Variants in ANO3 observed in about 807,000 individuals in gnomAD.
ANO3 encodes anoctamin 3.
In ANO3, 99 loss-of-function variants were observed where a neutral mutation model predicts 144.8. The observed-to-expected ratio is 0.68, with a 90% confidence interval of 0.58 to 0.81. The LOEUF is 0.81. ANO3 is among the 30% of genes least tolerant of loss of function. The probability of loss-of-function intolerance (pLI) is 0.00; values close to 1 mark genes in which losing one functional copy is unlikely to be tolerated. For missense variants in ANO3, 905 were observed against 1,202.2 expected, an observed-to-expected ratio of 0.75 and a Z score of 3.66; for synonymous variants, 414 against 392.6, an observed-to-expected ratio of 1.05 and a Z score of -0.64.
At chr11:26,433,814 A>G (rs1858200340) in intron 1 of ANO3, among the ~76,000 whole-genome samples, 1 of 152,094 alleles carries the variant, frequency 6.6e-6, no homozygotes, top group African/African-American at 2.4e-5. Context: ...GACTTTGTTG[A>G]GGATTTTTGC....
rs1409785078 is a variant in ANO3, at chr11:26,660,647, A to G, written c.*203A>G. On this transcript the variant is annotated 3_prime_UTR_variant, in exon 27 of 27. Coordinates refer to ENST00000256737, the MANE Select transcript of ANO3 (RefSeq NM_031418.4). Reference sequence around the variant, plus strand: ...AAACAATGACTTGACGACCTTAAAAAGGGTTAGATTGACATTGCAGGAAGC... The same window carrying G: ...AAACAATGACTTGACGACCTTAAAAGGGGTTAGATTGACATTGCAGGAAGC... 1.2e-5 allele frequency: 6 copies of G among 504,102 alleles called. No homozygotes were observed. The African/African-American group carries it at 1.2e-4, about 10-fold the overall frequency. The allele number at this position is 504,102 out of a possible 1,614,324, so 31.2% of individuals were successfully genotyped here.
chr11:26,323,295 G>T (rs1237287641), intron 1 of ANO3, among the ~76,000 whole-genome samples: 1 of 152,086 alleles, frequency 6.6e-6, no homozygotes, highest in Non-Finnish European at 1.5e-5. Flanking sequence ...AGCTTCTCTT[G>T]AGTACATTTT....
intron 1 of ANO3, among the ~76,000 whole-genome samples, chr11:26,231,858 G>T (rs1276841354): frequency 6.6e-6 from 1 of 152,166 alleles, no homozygotes; most frequent in Non-Finnish European, 1.5e-5. Context: ...GAGTCAAACA[G>T]TCCTTAGTTT....
At position 26,643,301 on chromosome 11, in the gene ANO3, C is replaced by T; in HGVS notation, c.2395C>T (p.Arg799Trp). The T allele has an allele frequency of 1.9e-6, 3 of 1,614,090 alleles. No homozygotes were observed. The highest frequency in any genetic ancestry group is 1.1e-5 in the South Asian group (1 of 91,064). The change falls in exon 23 of 27, where the codon CGG becomes TGG. Residue 799 changes from arginine (R) to tryptophan (W), a missense_variant. Coordinates refer to ENST00000256737, the MANE Select transcript of ANO3 (RefSeq NM_031418.4). ...TGCATACAAATTTGTCACTCAATGG[C>T]GGAGGCCTTTGCCAGCCCGAGCAAC... ...LDAYKFVTQWRRPLPARATDI... is the reference protein window; with the variant it reads ...LDAYKFVTQWWRPLPARATDI...
At chr11:26,300,561 T>C (rs141981467) in intron 1 of ANO3, among the ~76,000 whole-genome samples, 3,078 of 152,226 alleles carry the variant, frequency 0.02, 91 homozygotes, top group African/African-American at 0.067. Flanking sequence ...ATTCTCCTCA[T>C]TATAGATGGG....
At chr11:26,658,094 T>C (rs1853752276) in intron 26 of ANO3, among the ~76,000 whole-genome samples, 1 of 152,214 alleles carries the variant, frequency 6.6e-6, no homozygotes, top group Non-Finnish European at 1.5e-5. Flanking sequence ...AGTGGTTTCA[T>C]AGTTTCAGGA....
chr11:26,315,282 T>C (rs1213204909), intron 1 of ANO3, among the ~76,000 whole-genome samples: 1 of 152,188 alleles, frequency 6.6e-6, no homozygotes, highest in Non-Finnish European at 1.5e-5. Context: ...TTTTCTAGAC[T>C]CCAGTGATTT....
intron 6 of ANO3, among the ~76,000 whole-genome samples, chr11:26,522,696 C>CAA (rs1862130823): frequency 6.6e-6 from 1 of 152,026 alleles, no homozygotes; most frequent in African/African-American, 2.4e-5. Context: ...CTTCCTGGAT[C>CAA]AAAGATATGC....
chr11:26,508,540 A>T, intron 5 of ANO3: 1 of 370,238 alleles, frequency 2.7e-6, no homozygotes, highest in East Asian at 3.9e-5. Flanking sequence ...CAAGTAGAAA[A>T]CTTTATGAAA....
intron 18 of ANO3, among the ~76,000 whole-genome samples, chr11:26,627,814 AGT>A (rs72002807): frequency 0.3 from 39,205 of 130,932 alleles, 5,848 homozygotes; most frequent in South Asian, 0.4. Flanking sequence ...AATAGAATCT[AGT>A]GTGTGTGTGT....
rs998802578 is a variant in ANO3, at chr11:26,517,523, A to T, written c.692+596A>T. 2.0e-5 allele frequency among the ~76,000 whole-genome samples: 3 copies of T among 152,138 alleles called. No individual in the cohort carries two copies. The South Asian group carries it at 6.2e-4, about 31-fold the overall frequency. On this transcript the variant is annotated intron_variant, in intron 6 of 26. Transcript: ENST00000256737. ...TATGCAGAATGTGTCACTTTCCTCC[A>T]TCATTTCTCACAGTAAAATTCAACA... is the stretch of plus-strand genomic sequence containing the variant.
chr11:26,308,376 A>G (rs1341167728), upstream of ANO3, among the ~76,000 whole-genome samples: 3 of 152,214 alleles, frequency 2.0e-5, no homozygotes, highest in Admixed American at 6.5e-5. Flanking sequence ...AGGGGATTTC[A>G]TACAATTTAG....
chr11:26,502,742 A>G (rs1009724144), intron 4 of ANO3, among the ~76,000 whole-genome samples: 2 of 152,060 alleles, frequency 1.3e-5, no homozygotes, highest in Admixed American at 1.3e-4. Context: ...CTGCAAGTAT[A>G]TGATAAAATC....
At chr11:26,274,630 A>G (rs1564944187) in intron 1 of ANO3, among the ~76,000 whole-genome samples, 1 of 152,258 alleles carries the variant, frequency 6.6e-6, no homozygotes, top group South Asian at 2.1e-4. Flanking sequence ...AACTTTGAAC[A>G]TAAAGCAATT....
chr11:26,647,885 A>C (rs1853400570), intron 24 of ANO3, 29 bp downstream of exon 24: 1 of 1,589,454 alleles, frequency 6.3e-7, no homozygotes, highest in African/African-American at 1.3e-5. Context: ...CATTTTCCTG[A>C]TATGTTTTAC....
intron 1 of ANO3, among the ~76,000 whole-genome samples, chr11:26,368,722 T>A (rs1199741256): frequency 6.6e-6 from 1 of 151,928 alleles, no homozygotes; most frequent in Non-Finnish European, 1.5e-5. Context: ...GTATAAATCT[T>A]TAGGCCTAGA....
intron 1 of ANO3, among the ~76,000 whole-genome samples, chr11:26,294,669 G>A (rs2133856977): frequency 6.6e-6 from 1 of 152,286 alleles, no homozygotes; most frequent in East Asian, 1.9e-4. Context: ...CACCTACACA[G>A]TGACTTTGCC....
intron 1 of ANO3, among the ~76,000 whole-genome samples, chr11:26,263,247 A>G (rs1853234296): frequency 6.6e-6 from 1 of 152,176 alleles, no homozygotes; most frequent in Non-Finnish European, 1.5e-5. Context: ...CAAACCAATG[A>G]GTCAAATTAA....
At chr11:26,614,072 A>G (rs1483986489) in intron 17 of ANO3, among the ~76,000 whole-genome samples, 1 of 152,210 alleles carries the variant, frequency 6.6e-6, no homozygotes, top group Non-Finnish European at 1.5e-5. Context: ...AGGCTGTAGC[A>G]AGCTGTCCTG....
Sources: allele counts gnomAD v4.1 joint callset (sites outside exome capture counted in the v4.1 genomes callset), GRCh38; gene constraint gnomAD v4.1.1; transcripts MANE v1.5; gene names NCBI Gene and HGNC (gene_info 2026-07-23, HGNC 2026-07-21).